The following EFR3B variants were observed in gnomAD, a reference collection of about 807,000 sequenced individuals.
EFR3B encodes EFR3 homolog B, also known as protein EFR3 homolog B.
A neutral mutation model predicts 104.7 loss-of-function variants in EFR3B; 64 were observed. The ratio of observed to expected loss-of-function variants is 0.61; its 90% CI spans 0.50 to 0.75. The LOEUF (loss-of-function observed/expected upper bound fraction) is 0.75, where lower values mean the gene tolerates loss of function less well. EFR3B is among the 30% of genes least tolerant of loss of function. EFR3B has a pLI of 0.00. For missense variants in EFR3B, 750 were observed against 1,078.5 expected (o/e 0.70, Z 4.27); for synonymous variants, 385 against 417.9 (o/e 0.92, Z 0.96).
chr2:25,144,097 G>A (rs1349589120), intron 18 of EFR3B, among the ~76,000 whole-genome samples: 1 of 152,222 alleles, frequency 6.6e-6, no homozygotes, highest in African/African-American at 2.4e-5. Flanking sequence ...GCCTGAGGAT[G>A]GGAGAGGTTC....
rs1056207742 is a variant in EFR3B, at chr2:25,145,002, T to C, written c.2093T>C (p.Ile698Thr). The part of the protein sequence containing the change: ...LSKRRSIGET[I>T]SLQVEVESRN... ...AAGAGGAGGAGCATTGGAGAGACCATCTCCCTGCAGGTGGAGGTAGAATCG... is the reference window on the plus strand; with the variant it reads ...AAGAGGAGGAGCATTGGAGAGACCACCTCCCTGCAGGTGGAGGTAGAATCG... Residue 698 changes from isoleucine (I) to threonine (T), a missense_variant, in exon 19 of 23, where the codon ATC becomes ACC. Transcript: ENST00000403714. 5.2e-6 allele frequency: 8 copies of C among 1,551,668 alleles called. No individual in the cohort carries two copies. Among genetic ancestry groups the C allele is most frequent in the Non-Finnish European group, 7.0e-6 (8 of 1,146,976 alleles).
chr2:25,077,489 C>A (rs1023094161), intron 1 of EFR3B, among the ~76,000 whole-genome samples: 3 of 152,174 alleles, frequency 2.0e-5, no homozygotes, highest in African/African-American at 7.2e-5. Context: ...TGGGGTTTCA[C>A]CATGTTGGCC....
intron 4 of EFR3B, 96 bp downstream of exon 4, chr2:25,103,883 T>C: frequency 6.9e-7 from 1 of 1,445,876 alleles, no homozygotes; most frequent in Non-Finnish European, 9.3e-7. Flanking sequence ...TCATGTTCTG[T>C]TCCTTCTTGG....
At chr2:25,061,614 C>T (rs1241959437) in intron 1 of EFR3B, among the ~76,000 whole-genome samples, 1 of 151,950 alleles carries the variant, frequency 6.6e-6, no homozygotes, top group Admixed American at 6.6e-5. Context: ...CTGTGTCAGC[C>T]TCCTGAGCAG....
At chr2:25,057,231 G>C (rs1371447743) in intron 1 of EFR3B, among the ~76,000 whole-genome samples, 2 of 152,130 alleles carry the variant, frequency 1.3e-5, no homozygotes, top group Non-Finnish European at 2.9e-5. Context: ...CCCCCACTGG[G>C]GTAGGGGTAG....
Position 25,042,209 on chromosome 2 carries a change from C to G in EFR3B, c.-104C>G. ...CCCCGCCCGGGCCCCTGTCGGCCGC[C>G]GCCAGTCCCCGCCCCGACTGTGAAT... On this transcript the variant is annotated 5_prime_UTR_variant, in exon 1 of 23. Transcript: ENST00000403714. The surrounding 1 kb of genome is among the most constrained non-coding windows in gnomAD (Gnocchi z 5.4). 1 of 1,161,196 alleles carries G rather than the reference C, an allele frequency of 8.6e-7. No homozygotes were observed. Among genetic ancestry groups the G allele is most frequent in the Non-Finnish European group, 1.1e-6 (1 of 926,312 alleles). The allele number at this position is 1,161,196 out of a possible 1,614,324, so 71.9% of individuals were successfully genotyped here.
At chr2:25,046,564 G>A (rs1262455408) in intron 1 of EFR3B, among the ~76,000 whole-genome samples, 1 of 142,832 alleles carries the variant, frequency 7.0e-6, no homozygotes, top group African/African-American at 2.5e-5. Flanking sequence ...GTGCAGTGGC[G>A]CGATCTCGGC....
intron 3 of EFR3B, among the ~76,000 whole-genome samples, chr2:25,101,912 C>T (rs1669441419): frequency 6.6e-6 from 1 of 152,044 alleles, no homozygotes; most frequent in Non-Finnish European, 1.5e-5. Context: ...CAAAACAAAA[C>T]AAAAACAAAA....
At chr2:25,054,585 G>A (rs191880708) in intron 1 of EFR3B, among the ~76,000 whole-genome samples, 25 of 152,278 alleles carry the variant, frequency 1.6e-4, no homozygotes, top group African/African-American at 5.1e-4. Flanking sequence ...TGGGATTACA[G>A]GCATGAGCTA....
rs1192977582 is a variant in EFR3B at position 25,094,296 on chromosome 2, AAAAAAG to A, written c.212+1172_212+1177del. 1.4e-3 allele frequency among the ~76,000 whole-genome samples: 207 copies of A among 151,090 alleles called. 2 individuals are homozygous for A. Among genetic ancestry groups the A allele is most frequent in the Non-Finnish European group, 5.8e-4 (39 of 67,726 alleles). On this transcript the variant is annotated intron_variant, in intron 3 of 22. Transcript: ENST00000403714. ...TGAGACTGTCTCAAAAAAAAAAAAA[AAAAAAG>A]AAAAAAGAAACACTCAAAGTTTAAG...
At chr2:25,054,403 C>A (rs973529887) in intron 1 of EFR3B, among the ~76,000 whole-genome samples, 1 of 151,910 alleles carries the variant, frequency 6.6e-6, no homozygotes, top group Non-Finnish European at 1.5e-5. Context: ...CTCACTGCAA[C>A]TTCTGCCTCC....
chr2:25,070,993 C>T (rs554410932), intron 1 of EFR3B, among the ~76,000 whole-genome samples: 44 of 152,382 alleles, frequency 2.9e-4, no homozygotes, highest in African/African-American at 1.0e-3. Context: ...CGGAGTCTCG[C>T]TCTGTCGCCC....
chr2:25,131,745 C>G lies in EFR3B; in HGVS notation c.986-5C>G. On this transcript the variant is annotated splice_region_variant and splice_polypyrimidine_tract_variant and intron_variant, in intron 9 of 22. Coordinates refer to ENST00000403714, the MANE Select transcript of EFR3B (RefSeq NM_014971.2). This position sits in a 1 kb window ranked among gnomAD's most constrained non-coding sequence, Gnocchi z 7.6. ...ATCTCGGGTGTCCCGCCCCACCGCT[C>G]TCAGGGCCCACAGTACTGGAGATGT... The G allele has an allele frequency of 1.3e-6, 2 of 1,496,516 alleles. No individual in the cohort carries two copies. Among genetic ancestry groups the G allele is most frequent in the African/African-American group, 1.4e-5 (1 of 71,702 alleles). The allele number at this position is 1,496,516 out of a possible 1,614,324, so 92.7% of individuals were successfully genotyped here.
At chr2:25,091,185 C>T (rs968286010) in intron 1 of EFR3B, 140 bp from the exon 2 acceptor site, 3 of 717,446 alleles carry the variant, frequency 4.2e-6, no homozygotes, top group Non-Finnish European at 6.9e-6. Context: ...GGACAAGGCC[C>T]CGAGCCCTCC....
At chr2:25,124,283 T>TGTG (rs958331794) in intron 5 of EFR3B, among the ~76,000 whole-genome samples, 5 of 24,706 alleles carry the variant, frequency 2.0e-4, no homozygotes, top group Admixed American at 1.1e-3. Flanking sequence ...TGCAAGTGTG[T>TGTG]GTGTGTGTGT....
intron 4 of EFR3B, among the ~76,000 whole-genome samples, chr2:25,104,427 T>A (rs1265638095): frequency 6.6e-6 from 1 of 152,246 alleles, no homozygotes. Flanking sequence ...TGTGCAACCA[T>A]TAACACCATC....
chr2:25,153,564 G>A (rs1222734760), intron 21 of EFR3B, 148 bp from the exon 22 acceptor site: 2 of 725,090 alleles, frequency 2.8e-6, no homozygotes, highest in African/African-American at 3.5e-5. Flanking sequence ...TCCAGTGGAT[G>A]AGTGCTGGAG....
In EFR3B at chr2:25,154,959, C is replaced by T; in HGVS notation, c.*619C>T. The T allele has an allele frequency of 6.5e-6, 1 of 153,806 alleles. No homozygotes were observed. The highest frequency in any genetic ancestry group is 1.4e-5 in the Non-Finnish European group (1 of 69,110). 9.5% of individuals were successfully genotyped at this position (153,806 alleles called of 1,614,324 possible). A position where few individuals can be genotyped will look rare whatever the true frequency, so the allele number is the denominator to read the frequency against. ...TCGGGGGACAGCAAAGGGCAGGAAG[C>T]AGGATGCAGGGCTGGCAGGAGGTGG... On this transcript the variant is annotated 3_prime_UTR_variant, in exon 23 of 23. Transcript: ENST00000403714. The surrounding 1 kb of genome is among the most constrained non-coding windows in gnomAD (Gnocchi z 4.1).
At chr2:25,048,443 T>G (rs896241694) in intron 1 of EFR3B, among the ~76,000 whole-genome samples, 2 of 152,238 alleles carry the variant, frequency 1.3e-5, no homozygotes, top group African/African-American at 4.8e-5. Flanking sequence ...GATGTATAAT[T>G]TTCTTTCTGT....
Sources: gnomAD v4.1 joint callset for allele counts (sites outside exome capture counted in the v4.1 genomes callset) on GRCh38, gnomAD v4.1.1 for gene constraint, Gnocchi (gnomAD v3.1) non-coding constraint, MANE v1.5 for transcripts, NCBI Gene and HGNC (gene_info 2026-07-23, HGNC 2026-07-21) for gene names.